Variants in CFAP299 observed in about 807,000 individuals in gnomAD.
CFAP299 encodes cilia- and flagella-associated protein 299.
A neutral mutation model predicts 27.0 loss-of-function variants in CFAP299; 21 were observed. The observed-to-expected ratio is 0.78, with a 90% CI of 0.55 to 1.12. CFAP299 has a LOEUF of 1.12. CFAP299 is among the 50% of genes most tolerant of loss of function. The pLI is 0.00. For synonymous variants in CFAP299, 104 were observed against 98.1 expected, an observed-to-expected ratio of 1.06 and a Z score of -0.36; for missense variants, 310 against 276.6, an observed-to-expected ratio of 1.12 and a Z score of -0.86.
chr4:80,338,836 T>A (rs756957615), intron 1 of CFAP299, among the ~76,000 whole-genome samples: 3 of 152,230 alleles, frequency 2.0e-5, no homozygotes, highest in Non-Finnish European at 4.4e-5. Context: ...TACTCTTGTA[T>A]TGTGTAGTAT....
Position 80,663,018 on chromosome 4 carries a change from G to GA in CFAP299, c.333+79846dup, listed in dbSNP as rs562687634. Among the ~76,000 whole-genome samples, 799 of 140,358 alleles carry GA rather than the reference G, an allele frequency of 5.7e-3. 10 individuals carry two copies. Among genetic ancestry groups the GA allele is most frequent in the South Asian group, 0.045 (198 of 4,420 alleles). The allele number at this position is 140,358 out of a possible 152,430, so 92.1% of individuals were successfully genotyped here. A position where few individuals can be genotyped will look rare whatever the true frequency, so the allele number is the denominator to read the frequency against. ...AATCCTTTTTCTCAGGCTGTTAAAGGAAAAAAAAAAACAACACATCAATGC... is the reference window on the plus strand; with the variant it reads ...AATCCTTTTTCTCAGGCTGTTAAAGGAAAAAAAAAAAACAACACATCAATGC... On this transcript the variant is annotated intron_variant, in intron 3 of 5. Transcript: ENST00000358105.
chr4:80,384,988 A>G (rs1180322489), intron 2 of CFAP299, among the ~76,000 whole-genome samples: 1 of 152,200 alleles, frequency 6.6e-6, no homozygotes, highest in Non-Finnish European at 1.5e-5. Context: ...GAAAGAATAT[A>G]TATGTTTAGG....
At chr4:80,881,380 T>G (rs1460353664) in intron 4 of CFAP299, among the ~76,000 whole-genome samples, 38 of 152,180 alleles carry the variant, frequency 2.5e-4, no homozygotes, top group Admixed American at 2.5e-3. Context: ...TAACAAGCAC[T>G]GAATAACCAG....
At chr4:80,696,473 C>G (rs1252060230) in intron 3 of CFAP299, among the ~76,000 whole-genome samples, 1 of 151,368 alleles carries the variant, frequency 6.6e-6, no homozygotes, top group Non-Finnish European at 1.5e-5. Context: ...AGATGGCAAT[C>G]AAATAACAAT....
chr4:80,508,890 A>C (rs1487003488), intron 2 of CFAP299, among the ~76,000 whole-genome samples: 2 of 152,194 alleles, frequency 1.3e-5, no homozygotes, highest in African/African-American at 4.8e-5. Context: ...TGTGGAACAC[A>C]GCTCTCCAGA....
intron 1 of CFAP299, among the ~76,000 whole-genome samples, chr4:80,355,646 G>GT (rs1303160298): frequency 1.3e-5 from 2 of 151,888 alleles, no homozygotes; most frequent in African/African-American, 2.4e-5. Context: ...GGGGTTGATT[G>GT]TTTTTTTCTT....
chr4:80,748,483 A>G (rs1046212977), intron 3 of CFAP299, among the ~76,000 whole-genome samples: 2 of 152,104 alleles, frequency 1.3e-5, no homozygotes, highest in Non-Finnish European at 2.9e-5. Flanking sequence ...ACTTTCCTAG[A>G]TGAACATCTA....
chr4:80,596,170 A>G (rs1737049469), intron 3 of CFAP299, among the ~76,000 whole-genome samples: 1 of 152,200 alleles, frequency 6.6e-6, no homozygotes. Context: ...ATTATGAACC[A>G]TAGCATCTTA....
At chr4:80,810,921 G>A (rs1006125073) in intron 3 of CFAP299, among the ~76,000 whole-genome samples, 2 of 152,094 alleles carry the variant, frequency 1.3e-5, no homozygotes. Flanking sequence ...AGCAAAACAT[G>A]CCAGCTGCCC....
intron 2 of CFAP299, among the ~76,000 whole-genome samples, chr4:80,371,411 T>A (rs1387424457): frequency 6.6e-6 from 1 of 152,232 alleles, no homozygotes; most frequent in Non-Finnish European, 1.5e-5. Flanking sequence ...GCAGCCTGCT[T>A]GGATTTCTCC....
At chr4:80,758,505 G>A (rs1192107443) in intron 3 of CFAP299, among the ~76,000 whole-genome samples, 3 of 152,152 alleles carry the variant, frequency 2.0e-5, no homozygotes, top group Admixed American at 1.3e-4. Context: ...CTGGAAAACA[G>A]GGATGTACGT....
At chr4:80,737,114 G>A (rs1478014007) in intron 3 of CFAP299, among the ~76,000 whole-genome samples, 1 of 146,134 alleles carries the variant, frequency 6.8e-6, no homozygotes, top group Non-Finnish European at 1.5e-5. Flanking sequence ...ACTGAACAAC[G>A]AGAACACATG....
chr4:80,744,594 A>T (rs527388713), intron 3 of CFAP299, among the ~76,000 whole-genome samples: 4 of 151,440 alleles, frequency 2.6e-5, no homozygotes, highest in Admixed American at 6.6e-5. Context: ...TTTTTTTTTT[A>T]AAGGTTGATC....
chr4:80,792,817 G>A (rs1368730928), intron 3 of CFAP299, among the ~76,000 whole-genome samples: 9 of 152,000 alleles, frequency 5.9e-5, no homozygotes, highest in African/African-American at 1.9e-4. Flanking sequence ...TAAAAACTTG[G>A]TTATCTAAAG....
intron 3 of CFAP299, among the ~76,000 whole-genome samples, chr4:80,789,378 A>G (rs1727424080): frequency 1.3e-5 from 2 of 152,200 alleles, no homozygotes; most frequent in East Asian, 3.9e-4. Context: ...GGAGGAGAGC[A>G]GCATGAAATT....
intron 2 of CFAP299, among the ~76,000 whole-genome samples, chr4:80,456,494 G>A (rs549804327): frequency 6.6e-6 from 1 of 152,004 alleles, no homozygotes; most frequent in East Asian, 1.9e-4. Flanking sequence ...CTGGGTTCTG[G>A]GTATATTTTG....
chr4:80,924,541 T>C (rs973965808), intron 4 of CFAP299, among the ~76,000 whole-genome samples: 12 of 104,002 alleles, frequency 1.2e-4, no homozygotes, highest in African/African-American at 4.0e-4. Flanking sequence ...TGTGTGTGTA[T>C]ATATATATAT....
intron 2 of CFAP299, among the ~76,000 whole-genome samples, chr4:80,501,890 A>G (rs1027081438): frequency 2.6e-5 from 4 of 151,810 alleles, no homozygotes; most frequent in African/African-American, 4.8e-5. Flanking sequence ...CTAAGGCTCT[A>G]TTTATGTTTC....
chr4:80,470,549 A>G (rs760618471), intron 2 of CFAP299, among the ~76,000 whole-genome samples: 1 of 152,190 alleles, frequency 6.6e-6, no homozygotes, highest in African/African-American at 2.4e-5. Flanking sequence ...GAGTCACTAG[A>G]TGTGACTTAA....
Sources: gnomAD v4.1 joint callset for allele counts (sites outside exome capture counted in the v4.1 genomes callset) on GRCh38, gnomAD v4.1.1 for gene constraint, MANE v1.5 for transcripts, NCBI Gene and HGNC (gene_info 2026-07-23, HGNC 2026-07-21) for gene names.